GAS7: variants seen among roughly 807,000 people sequenced by gnomAD.
The protein encoded by GAS7 is growth arrest-specific protein 7.
GAS7 carries 28 observed loss-of-function variants against 71.1 expected under a neutral mutation model. The ratio of observed to expected loss-of-function variants is 0.39; its 90% CI spans 0.29 to 0.54. The LOEUF (loss-of-function observed/expected upper bound fraction) is 0.54, where lower values mean the gene tolerates loss of function less well. GAS7 is among the 20% of genes least tolerant of loss of function. GAS7 has a pLI of 0.62. For missense variants in GAS7, 436 were observed against 627.8 expected (o/e 0.69, Z 3.27); for synonymous variants, 258 against 245.8 (o/e 1.05, Z -0.46).
At chr17:10,080,825 C>T (rs927194448) in intron 1 of GAS7, among the ~76,000 whole-genome samples, 6 of 152,228 alleles carry the variant, frequency 3.9e-5, no homozygotes, top group African/African-American at 1.2e-4. Flanking sequence ...CTTATTCCAT[C>T]AGATAGTAAA....
intron 1 of GAS7, among the ~76,000 whole-genome samples, chr17:10,060,753 G>A (rs1567574756): frequency 6.6e-6 from 1 of 152,184 alleles, no homozygotes; most frequent in African/African-American, 2.4e-5. Context: ...ACACAAAATG[G>A]TATGGTCCTT....
intron 9 of GAS7, among the ~76,000 whole-genome samples, chr17:9,930,078 G>C (rs2068155760): frequency 6.6e-6 from 1 of 152,236 alleles, no homozygotes; most frequent in South Asian, 2.1e-4. Flanking sequence ...GCGGCCGAGA[G>C]TTGTGAAATC....
chr17:10,031,104 G>A (rs1329632738), intron 1 of GAS7, among the ~76,000 whole-genome samples: 2 of 152,172 alleles, frequency 1.3e-5, no homozygotes, highest in Admixed American at 6.5e-5. Context: ...TCCCAGCCAT[G>A]GGCCTGAAGG....
chr17:10,153,026 C>T (rs1408720956), intron 1 of GAS7, among the ~76,000 whole-genome samples: 6 of 143,568 alleles, frequency 4.2e-5, no homozygotes, highest in African/African-American at 1.6e-4. Flanking sequence ...AACCCCATCC[C>T]CACTAAAAAT....
At position 10,198,286 on chromosome 17, in the gene GAS7, C is replaced by T. The variant is rs765004617; in HGVS notation, c.105G>A (p.Pro35=). The T allele has an allele frequency of 3.7e-6, 6 of 1,605,362 alleles. No individual in the cohort carries two copies. In the South Asian group the frequency reaches 6.6e-5, roughly 18 times the overall value. Residue 35 remains proline, a synonymous_variant, in exon 1 of 14, where the codon CCG becomes CCA. Transcript: ENST00000432992. The part of the protein sequence containing the change: ...AGELITLLQV[P]DGGWWEGEKE... ...TCTCGCCTTCCCACCAGCCGCCGTC[C>T]GGGACCTGCAGCAGCGTGATCAGCT... is the stretch of plus-strand genomic sequence containing the variant.
chr17:10,044,419 T>C (rs559211578), intron 1 of GAS7, among the ~76,000 whole-genome samples: 146 of 152,336 alleles, frequency 9.6e-4, no homozygotes, highest in Non-Finnish European at 1.6e-3. Context: ...TTATGATTAA[T>C]ACTACATCTT....
intron 1 of GAS7, among the ~76,000 whole-genome samples, chr17:10,166,474 T>C (rs889481652): frequency 6.6e-6 from 1 of 152,254 alleles, no homozygotes; most frequent in Non-Finnish European, 1.5e-5. Context: ...GTTTTCTTCC[T>C]TTAGCTTTTC....
chr17:10,129,486 G>C (rs2073979328), intron 1 of GAS7, among the ~76,000 whole-genome samples: 1 of 152,278 alleles, frequency 6.6e-6, no homozygotes, highest in African/African-American at 2.4e-5. Flanking sequence ...AGTGAGCTAT[G>C]ATCACACCAC....
At chr17:9,972,383 T>C (rs186622932) in intron 3 of GAS7, among the ~76,000 whole-genome samples, 158 of 152,238 alleles carry the variant, frequency 1.0e-3, no homozygotes, top group Non-Finnish European at 1.6e-3. Context: ...AACGAGGGCA[T>C]GAGAGTGGAG....
chr17:10,131,459 C>A (rs1381386566), intron 1 of GAS7, among the ~76,000 whole-genome samples: 1 of 152,136 alleles, frequency 6.6e-6, no homozygotes, highest in Non-Finnish European at 1.5e-5. Context: ...CCTGTCTCTA[C>A]CAAAAATACA....
intron 2 of GAS7, among the ~76,000 whole-genome samples, chr17:10,012,265 G>C (rs1460276433): frequency 6.6e-6 from 1 of 152,106 alleles, no homozygotes; most frequent in South Asian, 2.1e-4. Context: ...AAGCATGCAT[G>C]CCTGGCCTTC....
At chr17:9,953,877 G>A (rs540984410) in intron 5 of GAS7, among the ~76,000 whole-genome samples, 1 of 152,374 alleles carries the variant, frequency 6.6e-6, no homozygotes, top group African/African-American at 2.4e-5. Context: ...CATAGTGGGT[G>A]CTCAGGAGAT....
intron 1 of GAS7, among the ~76,000 whole-genome samples, chr17:10,180,206 T>C (rs988678104): frequency 4.0e-5 from 6 of 151,260 alleles, no homozygotes; most frequent in Admixed American, 2.0e-4. Context: ...CCAGGCATGG[T>C]AGTGGGTGCC....
chr17:10,130,711 G>A (rs920294416), intron 1 of GAS7, among the ~76,000 whole-genome samples: 3 of 152,176 alleles, frequency 2.0e-5, no homozygotes, highest in Non-Finnish European at 4.4e-5. Context: ...CAAGGAGAAA[G>A]AGCCTCAAAA....
At chr17:10,062,551 A>T (rs150824182) in intron 1 of GAS7, among the ~76,000 whole-genome samples, 21 of 152,346 alleles carry the variant, frequency 1.4e-4, no homozygotes, top group Non-Finnish European at 2.9e-4. Flanking sequence ...TGATCTTCCA[A>T]TGATTCTCCA....
At chr17:9,956,980 C>G (rs1294051905) in intron 5 of GAS7, among the ~76,000 whole-genome samples, 2 of 152,206 alleles carry the variant, frequency 1.3e-5, no homozygotes, top group Non-Finnish European at 2.9e-5. Flanking sequence ...GCACCAAGGC[C>G]TGGAGACCTG....
At chr17:10,165,435 A>G (rs1025217266) in intron 1 of GAS7, among the ~76,000 whole-genome samples, 4 of 152,122 alleles carry the variant, frequency 2.6e-5, no homozygotes, top group Admixed American at 2.0e-4. Context: ...TTTCAACTTG[A>G]CTAAGGAGTT....
At chr17:9,946,846 T>C (rs1425977149) in intron 6 of GAS7, 48 bp downstream of exon 6, 1 of 1,274,412 alleles carries the variant, frequency 7.8e-7, no homozygotes, top group Admixed American at 1.7e-5. Context: ...GGGTGTCCAC[T>C]CCCGGTCACC....
chr17:9,975,102 C>T (rs1319210676), intron 3 of GAS7, among the ~76,000 whole-genome samples: 1 of 152,212 alleles, frequency 6.6e-6, no homozygotes, highest in Non-Finnish European at 1.5e-5. Flanking sequence ...CGCCTGAAAT[C>T]CCAGCACTTT....
Sources: allele counts gnomAD v4.1 joint callset (sites outside exome capture counted in the v4.1 genomes callset), GRCh38; gene constraint gnomAD v4.1.1; transcripts MANE v1.5; gene names NCBI Gene and HGNC (gene_info 2026-07-23, HGNC 2026-07-21).